HHAT: variants seen among roughly 807,000 people sequenced by gnomAD.
The protein encoded by HHAT is protein-cysteine N-palmitoyltransferase HHAT.
Under a neutral mutation model 70.8 loss-of-function variants are expected in HHAT, and 47 were observed. That is an observed-to-expected ratio of 0.66 (90% CI 0.53 to 0.85). The LOEUF is 0.85. Ranked by LOEUF, HHAT falls within the 40% of genes least tolerant of loss-of-function variation. HHAT has a pLI of 0.00. For synonymous variants in HHAT, 228 were observed against 247.6 expected (o/e 0.92, Z 0.74); for missense variants, 609 against 604.8 (o/e 1.01, Z -0.07).
chr1:210,632,652 CGTTCGATTTTACAAGCTGCTCTTTGTTA>C (rs1671103889), intron 11 of HHAT, among the ~76,000 whole-genome samples: 1 of 152,172 alleles, frequency 6.6e-6, no homozygotes, highest in African/African-American at 2.4e-5. Flanking sequence ...TCTATGTCTG[CGTTCGATTTTACAAGCTGCTCTTTGTTA>C]GAAAATGGTT....
At chr1:210,623,993 T>A (rs761442641) in intron 11 of HHAT, among the ~76,000 whole-genome samples, 2 of 152,242 alleles carry the variant, frequency 1.3e-5, no homozygotes, top group African/African-American at 4.8e-5. Flanking sequence ...TTCCTACTGC[T>A]GTGGTTGAAT....
chr1:210,428,027 A>C (rs1160039201), intron 7 of HHAT, among the ~76,000 whole-genome samples: 1 of 151,716 alleles, frequency 6.6e-6, no homozygotes, highest in East Asian at 1.9e-4. Context: ...GCTGAGTTGA[A>C]TCCTTTACCA....
chr1:210,568,592 C>G (rs779437526), intron 9 of HHAT, among the ~76,000 whole-genome samples: 18 of 152,140 alleles, frequency 1.2e-4, no homozygotes, highest in Non-Finnish European at 1.5e-4. Flanking sequence ...GGAACATACC[C>G]AAGCATAGGG....
chr1:210,404,018 A>G (rs1003185023), intron 5 of HHAT, among the ~76,000 whole-genome samples: 10 of 152,058 alleles, frequency 6.6e-5, no homozygotes, highest in African/African-American at 2.4e-4. Flanking sequence ...TGATAACAAA[A>G]GAGGAAAACG....
In HHAT at chr1:210,634,942, TAA is replaced by T. The variant is rs559412960; in HGVS notation, c.1390+11273_1390+11274del. On this transcript the variant is annotated intron_variant, in intron 11 of 11. Coordinates refer to ENST00000261458, the MANE Select transcript of HHAT (RefSeq NM_018194.6). The stretch of plus-strand genomic sequence containing the variant: ...GGTCAGCTGGGTCTGGGTGCAAGGC[TAA>T]GTTATTTTTACAGAGAATACTGCTA... Among the ~76,000 whole-genome samples the T allele has an allele frequency of 2.6e-5, 4 of 152,288 alleles. No individual in the cohort carries two copies. In the East Asian group the frequency reaches 7.7e-4, roughly 29 times the overall value.
At chr1:210,606,656 G>T (rs755610696) in intron 10 of HHAT, among the ~76,000 whole-genome samples, 57 of 152,008 alleles carry the variant, frequency 3.7e-4, no homozygotes, top group Admixed American at 6.5e-4. Flanking sequence ...GCTGGGTCTT[G>T]TTTTTTCTTT....
intron 5 of HHAT, among the ~76,000 whole-genome samples, chr1:210,403,125 A>G (rs1558444766): frequency 6.6e-6 from 1 of 152,146 alleles, no homozygotes; most frequent in Admixed American, 6.6e-5. Flanking sequence ...TTTTTAGTCT[A>G]CCTTCATTTT....
chr1:210,470,884 A>T (rs1467005481), intron 8 of HHAT, among the ~76,000 whole-genome samples: 1 of 152,176 alleles, frequency 6.6e-6, no homozygotes, highest in Non-Finnish European at 1.5e-5. Flanking sequence ...TAAGATGGAG[A>T]TACTATAAAT....
intron 7 of HHAT, 29 bp downstream of exon 7, chr1:210,418,354 T>A: frequency 6.4e-7 from 1 of 1,554,264 alleles, no homozygotes; most frequent in Non-Finnish European, 8.7e-7. Context: ...AACAGTGGGA[T>A]GAGCCCCAAT....
rs1454105739 is a variant in HHAT, at chr1:210,349,055, A to G, written c.80A>G (p.Lys27Arg). ...FHFYSFYEVY[K>R]VSREHEEELD... ...TTCTATTCCTTCTATGAAGTTTACA[A>G]AGTCTCCAGAGGTAAGGCCCCAAGC... Residue 27 changes from lysine (K) to arginine (R), a missense_variant, in exon 2 of 12, where the codon AAA (lysine) becomes AGA (arginine). Physicochemically the swap from Lys to Arg is conservative, Grantham distance 26. Coordinates refer to ENST00000261458, the MANE Select transcript of HHAT (RefSeq NM_018194.6). The G allele has an allele frequency of 2.5e-6, 4 of 1,613,862 alleles. No homozygotes were observed. In the African/African-American group the frequency reaches 5.3e-5, roughly 22 times the overall value.
intron 10 of HHAT, among the ~76,000 whole-genome samples, chr1:210,606,916 C>G (rs1012478918): frequency 4.6e-5 from 7 of 152,042 alleles, no homozygotes; most frequent in African/African-American, 1.7e-4. Flanking sequence ...CTGTTTTTTG[C>G]TCTGGAAGCA....
intron 8 of HHAT, among the ~76,000 whole-genome samples, chr1:210,504,902 C>CTTTTTTTTTT (rs71571952): frequency 3.2e-5 from 4 of 124,534 alleles, no homozygotes; most frequent in Non-Finnish European, 6.4e-5. Flanking sequence ...GCTTTTTATT[C>CTTTTTTTTTT]TTTTTTTTTT....
At chr1:210,563,584 A>G (rs1173994881) in intron 9 of HHAT, among the ~76,000 whole-genome samples, 3 of 152,220 alleles carry the variant, frequency 2.0e-5, no homozygotes, top group Non-Finnish European at 4.4e-5. Context: ...ATGGGAGAGC[A>G]GGGAGTTGGG....
chr1:210,495,409 T>C (rs1367131092), intron 8 of HHAT, among the ~76,000 whole-genome samples: 2 of 152,112 alleles, frequency 1.3e-5, no homozygotes. Context: ...TGGTCTTAGT[T>C]CTTTAACTTT....
At chr1:210,395,316 A>T (rs562307884) in intron 4 of HHAT, among the ~76,000 whole-genome samples, 30 of 152,362 alleles carry the variant, frequency 2.0e-4, no homozygotes, top group Middle Eastern at 3.4e-3. Context: ...AAGTAGAAAC[A>T]GATGGTGTGA....
At chr1:210,435,516 T>A (rs1045667014) in intron 7 of HHAT, among the ~76,000 whole-genome samples, 6 of 151,774 alleles carry the variant, frequency 4.0e-5, no homozygotes, top group African/African-American at 1.5e-4. Flanking sequence ...CATATGGTGG[T>A]TCTATTTTTG....
chr1:210,615,771 T>C (rs369601635), intron 10 of HHAT, among the ~76,000 whole-genome samples: 3 of 152,210 alleles, frequency 2.0e-5, no homozygotes, highest in South Asian at 4.1e-4. Context: ...GAACAGCAAA[T>C]GTTGCTGCCT....
At chr1:210,472,253 A>G (rs969272306) in intron 8 of HHAT, among the ~76,000 whole-genome samples, 1 of 152,176 alleles carries the variant, frequency 6.6e-6, no homozygotes, top group African/African-American at 2.4e-5. Context: ...TATATATTCA[A>G]TGTATTTAAT....
chr1:210,522,539 C>A (rs532345917), intron 9 of HHAT, among the ~76,000 whole-genome samples: 1 of 152,302 alleles, frequency 6.6e-6, no homozygotes, highest in Non-Finnish European at 1.5e-5. Context: ...TCCATCGTTG[C>A]TCCTGCACCC....
Sources: gnomAD v4.1 joint callset for allele counts (sites outside exome capture counted in the v4.1 genomes callset) on GRCh38, gnomAD v4.1.1 for gene constraint, MANE v1.5 for transcripts, NCBI Gene and HGNC (gene_info 2026-07-23, HGNC 2026-07-21) for gene names.